CSAD: variants seen among roughly 807,000 people sequenced by gnomAD.
CSAD encodes the protein cysteine sulfinic acid decarboxylase, also known as P-selectin cytoplasmic tail-associated protein.
CSAD carries 47 observed loss-of-function variants against 61.5 expected under a neutral mutation model. The observed-to-expected ratio is 0.76, with a 90% confidence interval of 0.60 to 0.97. The LOEUF (loss-of-function observed/expected upper bound fraction) is 0.97. Among genes scored for constraint, CSAD ranks in the 50% least tolerant of loss-of-function variants. CSAD has a pLI of 0.00. For synonymous variants in CSAD, 245 were observed against 252.7 expected (o/e 0.97, Z 0.29); for missense variants, 611 against 643.6 (o/e 0.95, Z 0.55).
At chr12:53,168,543 T>C (rs1940184266) in intron 10 of CSAD, among the ~76,000 whole-genome samples, 1 of 152,060 alleles carries the variant, frequency 6.6e-6, no homozygotes, top group Admixed American at 6.6e-5. Flanking sequence ...ATAGGGCTCA[T>C]AATGTCCATT....
chr12:53,162,294 G>C (rs368689908), intron 10 of CSAD, among the ~76,000 whole-genome samples: 2 of 151,900 alleles, frequency 1.3e-5, no homozygotes, highest in Non-Finnish European at 2.9e-5. Context: ...AATAGGCTGG[G>C]TACGGTGGCT....
At chr12:53,180,449 G>A (rs1279438638) in intron 1 of CSAD, 12 of 1,181,584 alleles carry the variant, frequency 1.0e-5, no homozygotes, top group African/African-American at 5.1e-5. Context: ...AATCATCGAA[G>A]GGCCGAGGGT....
intron 4 of CSAD, 46 bp from the exon 5 acceptor site, chr12:53,172,694 C>CT: frequency 1.3e-6 from 2 of 1,568,904 alleles, no homozygotes; most frequent in Non-Finnish European, 1.7e-6. Flanking sequence ...TGCCTGTGGA[C>CT]TGGCTGTCAA....
At chr12:53,171,825 T>G in intron 7 of CSAD, 57 bp downstream of exon 7, 1 of 1,122,264 alleles carries the variant, frequency 8.9e-7, no homozygotes, top group South Asian at 1.3e-5. Context: ...AAGAGAACGG[T>G]GGGGGAGGAG....
Position 53,173,352 on chromosome 12 carries a change from G to C in CSAD, c.119C>G (p.Ser40Cys). ...GAGGAAGAAAGGACTCACCTTCTGG[G>C]AGACACTGGTTCCTTTCTGAATGGC... ...DEAIQKGTSV[S>C]QKVCEWKEPE... Residue 40 changes from serine (S) to cysteine (C), a missense_variant, in exon 4 of 17, where the codon TCC becomes TGC. Coordinates refer to ENST00000444623, the MANE Select transcript of CSAD (RefSeq NM_001244705.2). 2 of 1,614,058 alleles carry C rather than the reference G, an allele frequency of 1.2e-6. No individual in the cohort carries two copies.
At chr12:53,170,018 A>G in intron 10 of CSAD, 54 bp downstream of exon 10, 1 of 1,476,496 alleles carries the variant, frequency 6.8e-7, no homozygotes, top group South Asian at 1.1e-5. Flanking sequence ...GAGCCCAAAT[A>G]ACCCTCCAAG....
At chr12:53,170,973 A>T in intron 8 of CSAD, 1 of 436,174 alleles carries the variant, frequency 2.3e-6, no homozygotes, top group South Asian at 1.8e-5. Context: ...CACCCACCTC[A>T]GCCTCTCAAA....
At position 53,159,549 on chromosome 12, in the gene CSAD, A is replaced by G. The variant is rs577294171; in HGVS notation, c.1308+74T>C. On this transcript the variant is annotated intron_variant, in intron 16 of 16. Transcript: ENST00000444623. ...CAAGGAGACCTGCCATGCCACTCCC[A>G]GCCAACAGGGGGCAGAAGCGCATCA... 398 of 1,324,164 alleles carry G rather than the reference A, an allele frequency of 3.0e-4. 1 individual carries two copies. Among genetic ancestry groups the G allele is most frequent in the Non-Finnish European group, 3.9e-4 (367 of 943,228 alleles). 82.0% of individuals were successfully genotyped at this position (1,324,164 alleles called of 1,614,324 possible).
intron 1 of CSAD, chr12:53,180,434 C>A: frequency 2.6e-6 from 3 of 1,175,032 alleles, no homozygotes; most frequent in Non-Finnish European, 3.2e-6. Context: ...GAGCACCCAG[C>A]GTACAATCAT....
chr12:53,158,677 G>C lies in CSAD; in HGVS notation c.1316C>G (p.Pro439Arg), dbSNP rs1565642992. 3.7e-6 allele frequency: 6 copies of C among 1,613,874 alleles called. No individual in the cohort carries two copies. Among genetic ancestry groups the C allele is most frequent in the Non-Finnish European group, 4.2e-6 (5 of 1,179,984 alleles). ...CTTCACCATGCGCTCCTTGAGCACGGGGGCCACCTGTGGAAGGGTGGAGAG... is the reference window on the plus strand; with the variant it reads ...CTTCACCATGCGCTCCTTGAGCACGCGGGCCACCTGTGGAAGGGTGGAGAG... ...DYHERLSKVA[P>R]VLKERMVKEG... The change falls in exon 17 of 17, where the codon CCC becomes CGC. Residue 439 changes from proline (P) to arginine (R), a missense_variant. Transcript: ENST00000444623.
rs952742509 is a variant in CSAD at position 53,159,915 on chromosome 12, T to G, written c.1190A>C (p.Lys397Thr). Reference sequence around the variant, plus strand: ...CATGACTAGCTCAAACCCTTCCCGCTTCTTCATTTCCTCCACCAGGTACCT... The same window carrying G: ...CATGACTAGCTCAAACCCTTCCCGCGTCTTCATTTCCTCCACCAGGTACCT... ...LARYLVEEMK[K>T]REGFELVMEP... Residue 397 changes from lysine to threonine, a missense_variant, in exon 15 of 17, where the codon AAG becomes ACG. Coordinates refer to ENST00000444623, the MANE Select transcript of CSAD (RefSeq NM_001244705.2). 1.1e-5 allele frequency: 17 copies of G among 1,605,036 alleles called. No homozygotes were observed. Among genetic ancestry groups the G allele is most frequent in the Non-Finnish European group, 1.4e-5 (17 of 1,175,038 alleles).
Position 53,171,447 on chromosome 12 carries a change from A to C in CSAD, c.452-6T>G, listed in dbSNP as rs369614395. 6.2e-7 allele frequency: 1 copy of C among 1,613,244 alleles called. No homozygotes were observed. Among genetic ancestry groups the C allele is most frequent in the African/African-American group, 1.3e-5 (1 of 74,926 alleles). Reference sequence around the variant, plus strand: ...CATGTTGGAGATGGAGCCACCTGTCACAGGGAGGGGGCGGTGGCAAGAGGA... The same window carrying C: ...CATGTTGGAGATGGAGCCACCTGTCCCAGGGAGGGGGCGGTGGCAAGAGGA... On this transcript the variant is annotated splice_region_variant and splice_polypyrimidine_tract_variant and intron_variant, in intron 7 of 16. Transcript: ENST00000444623.
chr12:53,179,695 T>G, intron 1 of CSAD: 1 of 1,245,250 alleles, frequency 8.0e-7, no homozygotes, highest in Non-Finnish European at 1.1e-6. Flanking sequence ...TGAGAATCCT[T>G]GTCTTTTTTT....
chr12:53,174,337 C>T (rs1241614299), intron 2 of CSAD, among the ~76,000 whole-genome samples: 6 of 150,904 alleles, frequency 4.0e-5, no homozygotes, highest in Admixed American at 4.0e-4. Flanking sequence ...AAAGAAAATA[C>T]TGAAAAAGAA....
In CSAD at chr12:53,171,918, C is replaced by A. The variant is rs1224457130; in HGVS notation, c.415G>T (p.Val139Leu). 5 of 1,613,960 alleles carry A rather than the reference C, an allele frequency of 3.1e-6. No individual in the cohort carries two copies. Among genetic ancestry groups the A allele is most frequent in the Non-Finnish European group, 3.4e-6 (4 of 1,179,970 alleles). Residue 139 changes from valine (V) to leucine (L), a missense_variant, in exon 7 of 17, where the codon GTG becomes TTG. Coordinates refer to ENST00000444623, the MANE Select transcript of CSAD (RefSeq NM_001244705.2). ...ATTCCGTCCCCAGAGCTCCAGCCCA[C>A]CAGGGCCCGCAGTTTCCTCAGCACC... is the stretch of plus-strand genomic sequence containing the variant. ...EEVLRKLRAL[V>L]GWSSGDGIFC...
At position 53,172,559 on chromosome 12, in the gene CSAD, C is replaced by T. The variant is rs1183665296; in HGVS notation, c.216G>A (p.Glu72=). ...SQGESQKQIL[E]RCRAVIRYSV... Reference sequence around the variant, plus strand: ...TGTAGCGAATCACAGCCCGACACCGCTCCAGGATCTGCTTCTGTGACTCGC... The same window carrying T: ...TGTAGCGAATCACAGCCCGACACCGTTCCAGGATCTGCTTCTGTGACTCGC... The change falls in exon 5 of 17, where the codon GAG becomes GAA. Residue 72 remains glutamate (E), a synonymous_variant. Coordinates refer to ENST00000444623, the MANE Select transcript of CSAD (RefSeq NM_001244705.2). 6.2e-7 allele frequency: 1 copy of T among 1,613,746 alleles called. No homozygotes were observed. Among genetic ancestry groups the T allele is most frequent in the Non-Finnish European group, 8.5e-7 (1 of 1,179,916 alleles).
At chr12:53,176,666 C>A (rs986466636) in intron 2 of CSAD, among the ~76,000 whole-genome samples, 4 of 151,870 alleles carry the variant, frequency 2.6e-5, no homozygotes, top group Non-Finnish European at 5.9e-5. Context: ...TTGCAGTGAG[C>A]CGAGATCATG....
At chr12:53,160,446 A>G (rs1388355329) in intron 13 of CSAD, 127 bp from the exon 14 acceptor site, 1 of 968,996 alleles carries the variant, frequency 1.0e-6, no homozygotes, top group Non-Finnish European at 1.6e-6. Context: ...CACTGCTGGG[A>G]CGGCTGCCTG....
In CSAD at chr12:53,180,894, A is replaced by C. The variant is rs914029991; in HGVS notation, c.-253T>G. ...TCCGTACAGACGGCAGCGCTTCAGTAGCTCGCAAGCCGTGGGGTGCCGCGC... is the reference window on the plus strand; with the variant it reads ...TCCGTACAGACGGCAGCGCTTCAGTCGCTCGCAAGCCGTGGGGTGCCGCGC... On this transcript the variant is annotated 5_prime_UTR_variant, in exon 1 of 17. Coordinates refer to ENST00000444623, the MANE Select transcript of CSAD (RefSeq NM_001244705.2). 5 of 1,143,678 alleles carry C rather than the reference A, an allele frequency of 4.4e-6. No homozygotes were observed. The highest frequency in any genetic ancestry group is 5.5e-6 in the Non-Finnish European group (5 of 912,998). 70.8% of individuals were successfully genotyped at this position (1,143,678 alleles called of 1,614,324 possible).
Sources: allele counts gnomAD v4.1 joint callset (sites outside exome capture counted in the v4.1 genomes callset), GRCh38; gene constraint gnomAD v4.1.1; transcripts MANE v1.5; gene names NCBI Gene and HGNC (gene_info 2026-07-23, HGNC 2026-07-21).